The following DPP6 variants were observed in gnomAD, a reference collection of about 807,000 sequenced individuals.
DPP6 encodes A-type potassium channel modulatory protein DPP6.
DPP6 carries 69 observed loss-of-function variants against 122.6 expected under a neutral mutation model. That is an observed-to-expected ratio of 0.56 (90% CI 0.46 to 0.69). DPP6 has a LOEUF of 0.69. DPP6 is among the 30% of genes least tolerant of loss of function. DPP6 has a pLI of 0.00. For missense variants in DPP6, 928 were observed against 1,116.9 expected (o/e 0.83, Z 2.41); for synonymous variants, 418 against 433.1 (o/e 0.97, Z 0.43).
chr7:154,034,343 C>G (rs775479990), intron 1 of DPP6, among the ~76,000 whole-genome samples: 1 of 152,192 alleles, frequency 6.6e-6, no homozygotes, highest in Non-Finnish European at 1.5e-5. Flanking sequence ...GGAAGTCCAT[C>G]AGGAGGGCAT....
chr7:153,754,240 T>TG, the DPP6 span, among the ~76,000 whole-genome samples: 318 of 149,596 alleles, frequency 2.1e-3, no homozygotes, highest in African/African-American at 6.4e-3. Context: ...GCATTTTTTT[T>TG]TGTGTGTGAA....
chr7:154,491,798 C>A (rs1202639057), intron 3 of DPP6, among the ~76,000 whole-genome samples: 4 of 152,192 alleles, frequency 2.6e-5, no homozygotes, highest in Non-Finnish European at 4.4e-5. Context: ...TTCCTTTGGG[C>A]TCCCAGGCAG....
chr7:154,325,122 C>T lies in DPP6; in HGVS notation c.244-121092C>T, dbSNP rs540527716. Among the ~76,000 whole-genome samples the T allele has an allele frequency of 1.4e-4, 21 of 152,238 alleles. 1 individual carries two copies. Among genetic ancestry groups the T allele is most frequent in the East Asian group, 9.7e-4 (5 of 5,168 alleles). ...CCTCAAGTGATTCTCCCACCTTGGCCTCCCAAAATGCTGGGATTACAGATA... is the reference window on the plus strand; with the variant it reads ...CCTCAAGTGATTCTCCCACCTTGGCTTCCCAAAATGCTGGGATTACAGATA... On this transcript the variant is annotated intron_variant, in intron 1 of 25. Transcript: ENST00000377770.
upstream of DPP6, among the ~76,000 whole-genome samples, chr7:153,886,660 C>T (rs1798927845): frequency 1.3e-5 from 2 of 152,336 alleles, no homozygotes; most frequent in South Asian, 2.1e-4. Context: ...TCCTCTGCGC[C>T]CTGGAATTGC....
chr7:153,950,898 T>C (rs10255010), intron 1 of DPP6, among the ~76,000 whole-genome samples: 68,245 of 151,880 alleles, frequency 0.45, 15,635 homozygotes, highest in Admixed American at 0.53. Context: ...ACATGTCTCG[T>C]GGAATGCAAG....
intron 1 of DPP6, among the ~76,000 whole-genome samples, chr7:154,180,430 A>AAT (rs1370258765): frequency 1.4e-5 from 2 of 143,576 alleles, no homozygotes; most frequent in Non-Finnish European, 3.0e-5. Context: ...TATAATATAT[A>AAT]ATATATATAC....
At chr7:154,418,874 G>A (rs1294881483) in intron 1 of DPP6, among the ~76,000 whole-genome samples, 1 of 152,160 alleles carries the variant, frequency 6.6e-6, no homozygotes, top group Admixed American at 6.5e-5. Flanking sequence ...CAGGACAAGC[G>A]TGTTCAAGTA....
At chr7:154,823,961 A>C (rs1352352295) in intron 16 of DPP6, among the ~76,000 whole-genome samples, 1 of 152,244 alleles carries the variant, frequency 6.6e-6, no homozygotes, top group Non-Finnish European at 1.5e-5. Context: ...ATCAAAATTC[A>C]TTGCATGTAT....
At chr7:154,818,042 A>G (rs1799530931) in intron 16 of DPP6, among the ~76,000 whole-genome samples, 1 of 152,222 alleles carries the variant, frequency 6.6e-6, no homozygotes, top group African/African-American at 2.4e-5. Flanking sequence ...TACATTTGGA[A>G]GTTTGAGATT....
At chr7:154,742,260 A>T (rs1437078374) in intron 8 of DPP6, among the ~76,000 whole-genome samples, 2 of 152,168 alleles carry the variant, frequency 1.3e-5, no homozygotes, top group Non-Finnish European at 2.9e-5. Context: ...TCTGCACCGA[A>T]GCCCTCTACC....
rs376492385 is a variant in DPP6, at chr7:154,466,807, C to T, written c.359-8132C>T. Among the ~76,000 whole-genome samples the T allele has an allele frequency of 2.1e-4, 32 of 152,334 alleles. No homozygotes were observed. In the South Asian group the frequency reaches 6.2e-3, roughly 30 times the overall value. ...GACCCGCAAAGATTCACATCCTTCT[C>T]ATATATAAAGCACATTCATTCACTC... On this transcript the variant is annotated intron_variant, in intron 2 of 25. Coordinates refer to ENST00000377770, the MANE Select transcript of DPP6 (RefSeq NM_130797.4).
intron 10 of DPP6, among the ~76,000 whole-genome samples, chr7:154,792,365 C>T (rs1797736322): frequency 6.6e-6 from 1 of 152,254 alleles, no homozygotes; most frequent in Non-Finnish European, 1.5e-5. Context: ...ACTCAAAGAC[C>T]AGTTACAACA....
At chr7:153,855,051 A>C in the DPP6 span, among the ~76,000 whole-genome samples, 1 of 124,526 alleles carries the variant, frequency 8.0e-6, no homozygotes, top group Non-Finnish European at 1.7e-5. Context: ...GATCACATGG[A>C]CACAGGAAGG....
intron 2 of DPP6, among the ~76,000 whole-genome samples, chr7:154,459,805 C>CAAAAAAAAAAA (rs775605275): frequency 1.4e-3 from 88 of 62,408 alleles, no homozygotes; most frequent in East Asian, 2.6e-3. Context: ...GATTCCATCT[C>CAAAAAAAAAAA]AAAAAAAAAA....
intron 1 of DPP6, among the ~76,000 whole-genome samples, chr7:153,986,717 C>T (rs888071757): frequency 2.0e-5 from 3 of 152,100 alleles, no homozygotes; most frequent in African/African-American, 7.2e-5. Flanking sequence ...CAGGCATAGA[C>T]AAATGTATAC....
intron 5 of DPP6, among the ~76,000 whole-genome samples, chr7:154,574,741 GTGTA>G (rs1480752595): frequency 7.5e-6 from 1 of 132,886 alleles, no homozygotes; most frequent in Non-Finnish European, 1.6e-5. Flanking sequence ...TGTGTGGTGT[GTGTA>G]TGTGTGTTGT....
chr7:154,373,807 C>A (rs1812882004), intron 1 of DPP6, among the ~76,000 whole-genome samples: 2 of 152,160 alleles, frequency 1.3e-5, no homozygotes, highest in South Asian at 4.1e-4. Flanking sequence ...CCCGCAGCCC[C>A]TGGCACCCAC....
intron 1 of DPP6, among the ~76,000 whole-genome samples, chr7:153,987,200 C>T (rs1357936774): frequency 6.6e-6 from 1 of 152,184 alleles, no homozygotes; most frequent in African/African-American, 2.4e-5. Context: ...CCAAAGAACT[C>T]TCAATGAGGA....
intron 1 of DPP6, among the ~76,000 whole-genome samples, chr7:154,126,236 T>C (rs550680506): frequency 6.6e-6 from 1 of 152,198 alleles, no homozygotes; most frequent in South Asian, 2.1e-4. Context: ...AACTTAGCAT[T>C]TTGGTTGGTT....
Sources: gnomAD v4.1 joint callset for allele counts (sites outside exome capture counted in the v4.1 genomes callset) on GRCh38, gnomAD v4.1.1 for gene constraint, MANE v1.5 for transcripts, NCBI Gene and HGNC (gene_info 2026-07-23, HGNC 2026-07-21) for gene names.